The following ATP6V1H variants were observed in gnomAD, a reference collection of about 807,000 sequenced individuals.
The protein encoded by ATP6V1H is ATPase H+ transporting V1 subunit H, also known as V-type proton ATPase subunit H.
Under a neutral mutation model 71.7 loss-of-function variants are expected in ATP6V1H, and 39 were observed. That is an observed-to-expected ratio of 0.54 (90% CI 0.42 to 0.71). The LOEUF is 0.71. ATP6V1H is among the 30% of genes least tolerant of loss of function. The pLI is 0.00. For missense variants in ATP6V1H, 509 were observed against 594.9 expected (o/e 0.86, Z 1.50); for synonymous variants, 192 against 199.3 (o/e 0.96, Z 0.31).
intron 13 of ATP6V1H, among the ~76,000 whole-genome samples, chr8:53,736,846 G>A (rs941797018): frequency 2.0e-5 from 3 of 152,168 alleles, no homozygotes; most frequent in Admixed American, 6.5e-5. Context: ...TTAAAGAAAG[G>A]CAAAAATGAA....
At chr8:53,756,528 C>G in intron 12 of ATP6V1H, 27 bp downstream of exon 12, 1 of 1,588,318 alleles carries the variant, frequency 6.3e-7, no homozygotes, top group Non-Finnish European at 8.6e-7. Flanking sequence ...TTCAAGAAAC[C>G]AAATGAAATG....
In ATP6V1H at chr8:53,786,938, T is replaced by A. The variant is rs980295379; in HGVS notation, c.870+8709A>T. Among the ~76,000 whole-genome samples, 4 of 152,352 alleles carry A rather than the reference T, an allele frequency of 2.6e-5. No homozygotes were observed. The East Asian group carries it at 7.7e-4, about 29-fold the overall frequency. Reference sequence around the variant, plus strand: ...AGACCAGTTTTGCTTGTTTTTTGATTTTCAATCAGTCATGAGCAAATACTT... The same window carrying A: ...AGACCAGTTTTGCTTGTTTTTTGATATTCAATCAGTCATGAGCAAATACTT... On this transcript the variant is annotated intron_variant, in intron 9 of 13. Transcript: ENST00000359530.
At chr8:53,772,208 T>A in intron 9 of ATP6V1H, 41 bp from the exon 10 acceptor site, 1 of 1,494,494 alleles carries the variant, frequency 6.7e-7, no homozygotes, top group African/African-American at 1.4e-5. Context: ...ATACAATTTG[T>A]CATGTGATGG....
At chr8:53,773,091 C>T (rs1808734001) in intron 9 of ATP6V1H, among the ~76,000 whole-genome samples, 1 of 152,058 alleles carries the variant, frequency 6.6e-6, no homozygotes, top group Non-Finnish European at 1.5e-5. Context: ...TATGTTTCTA[C>T]CAGATTTTAA....
chr8:53,760,033 G>A (rs1411961753), intron 11 of ATP6V1H, among the ~76,000 whole-genome samples: 3 of 152,194 alleles, frequency 2.0e-5, no homozygotes, highest in Non-Finnish European at 4.4e-5. Context: ...TAATTTATAA[G>A]AATGTAAAGA....
At chr8:53,769,861 A>C in intron 10 of ATP6V1H, 118 bp from the exon 11 acceptor site, 1 of 845,278 alleles carries the variant, frequency 1.2e-6, no homozygotes, top group Non-Finnish European at 1.7e-6. Flanking sequence ...TCCTTTGTAC[A>C]TTAAAAAACT....
Position 53,817,592 on chromosome 8 carries a change from T to G in ATP6V1H, c.307-62A>C. On this transcript the variant is annotated intron_variant, in intron 4 of 13. Transcript: ENST00000359530. ...ACATTTTGCTAAAGAATGTAACGAC[T>G]GTGCACCACTTCTCAACCTCCCATC... 3.0e-6 allele frequency: 3 copies of G among 1,000,122 alleles called. No individual in the cohort carries two copies. In the South Asian group the frequency reaches 4.3e-5, roughly 14 times the overall value. The allele number at this position is 1,000,122 out of a possible 1,614,324, so 62.0% of individuals were successfully genotyped here.
intron 4 of ATP6V1H, among the ~76,000 whole-genome samples, chr8:53,819,546 G>GCATA (rs1810564584): frequency 5.2e-4 from 5 of 9,622 alleles, no homozygotes; most frequent in African/African-American, 2.4e-3. Flanking sequence ...AAAAAAAAAA[G>GCATA]CATATATATA....
intron 11 of ATP6V1H, among the ~76,000 whole-genome samples, chr8:53,765,629 A>C (rs963379411): frequency 1.3e-5 from 2 of 152,196 alleles, no homozygotes; most frequent in Admixed American, 6.5e-5. Context: ...GAAATCAAAG[A>C]AAATTGAAAC....
rs775902020 is a variant in ATP6V1H at position 53,829,471 on chromosome 8, T to A, written c.279A>T (p.Ile93=). 1.9e-6 allele frequency: 3 copies of A among 1,606,028 alleles called. No individual in the cohort carries two copies. The highest frequency in any genetic ancestry group is 2.6e-6 in the Non-Finnish European group (3 of 1,176,434). ...HICKEQTVQY[I]LTMVDDMLQE... is the part of the protein sequence containing the mutation. ...GCAGCATATCATCCACCATAGTTAG[T>A]ATATACTGAACGGTCTGTTCTTTGC... Residue 93 remains isoleucine (I), a synonymous_variant, in exon 4 of 14, where the codon ATA becomes ATT. Coordinates refer to ENST00000359530, the MANE Select transcript of ATP6V1H (RefSeq NM_015941.4).
chr8:53,833,270 C>G (rs1253254720), intron 2 of ATP6V1H, 184 bp from the exon 3 acceptor site: 2 of 536,198 alleles, frequency 3.7e-6, no homozygotes, highest in Non-Finnish European at 6.6e-6. Context: ...AGTGTGAACT[C>G]CCTGGAACCT....
intron 8 of ATP6V1H, among the ~76,000 whole-genome samples, chr8:53,796,238 C>T (rs899120871): frequency 2.0e-5 from 3 of 152,128 alleles, no homozygotes; most frequent in African/African-American, 4.8e-5. Context: ...AGAAGGGAAG[C>T]GCTTGGTGAA....
At chr8:53,795,468 C>T (rs1319155620) in intron 9 of ATP6V1H, among the ~76,000 whole-genome samples, 179 bp downstream of exon 9, 2 of 152,182 alleles carry the variant, frequency 1.3e-5, no homozygotes, top group African/African-American at 4.8e-5. Context: ...TTCCTCTCAC[C>T]TATCCCACTG....
intron 11 of ATP6V1H, among the ~76,000 whole-genome samples, chr8:53,757,578 G>T (rs182672627): frequency 6.6e-6 from 1 of 152,234 alleles, no homozygotes; most frequent in Admixed American, 6.5e-5. Flanking sequence ...CAGAATGAAT[G>T]TTTTTTAAAT....
chr8:53,815,499 C>T (rs1810418564), intron 5 of ATP6V1H, among the ~76,000 whole-genome samples: 1 of 152,142 alleles, frequency 6.6e-6, no homozygotes, highest in African/African-American at 2.4e-5. Flanking sequence ...TGCTGGTAGA[C>T]TCATGTTTGT....
chr8:53,810,170 C>CT (rs1219422452), intron 7 of ATP6V1H, among the ~76,000 whole-genome samples: 3 of 152,214 alleles, frequency 2.0e-5, no homozygotes, highest in African/African-American at 7.2e-5. Context: ...AAGATACTTC[C>CT]TAGTTTCCTA....
intron 11 of ATP6V1H, 28 bp downstream of exon 11, chr8:53,769,590 A>G: frequency 6.3e-7 from 1 of 1,598,648 alleles, no homozygotes; most frequent in Non-Finnish European, 8.5e-7. Context: ...ACAGATATTA[A>G]GAGTGTAAAG....
At chr8:53,728,385 GA>G (rs1431591736) in intron 13 of ATP6V1H, among the ~76,000 whole-genome samples, 2 of 151,982 alleles carry the variant, frequency 1.3e-5, no homozygotes, top group African/African-American at 4.8e-5. Context: ...GACTCAGTGT[GA>G]AAAAAATGGA....
chr8:53,833,475 T>C (rs549647862), intron 2 of ATP6V1H, among the ~76,000 whole-genome samples: 1 of 152,158 alleles, frequency 6.6e-6, no homozygotes, highest in African/African-American at 2.4e-5. Flanking sequence ...CACATGGCTA[T>C]CTAATTTATC....
Sources: gnomAD v4.1 joint callset for allele counts (sites outside exome capture counted in the v4.1 genomes callset) on GRCh38, gnomAD v4.1.1 for gene constraint, MANE v1.5 for transcripts, NCBI Gene and HGNC (gene_info 2026-07-23, HGNC 2026-07-21) for gene names.